RASGRP3: variants seen among roughly 807,000 people sequenced by gnomAD.
RASGRP3 encodes the protein ras guanyl-releasing protein 3.
In RASGRP3, 54 loss-of-function variants were observed where a neutral mutation model predicts 82.7. That is an observed-to-expected ratio of 0.65 (90% CI 0.52 to 0.82). The LOEUF is 0.82. RASGRP3 is among the 40% of genes least tolerant of loss of function. The pLI, the probability that RASGRP3 is intolerant of heterozygous loss-of-function variation, is 0.00. For missense variants in RASGRP3, 861 were observed against 828.9 expected (o/e 1.04, Z -0.48); for synonymous variants, 309 against 300.5 (o/e 1.03, Z -0.29).
intron 6 of RASGRP3, 99 bp downstream of exon 6, chr2:33,520,783 A>G (rs1431054074): frequency 1.3e-6 from 2 of 1,499,416 alleles, no homozygotes; most frequent in Admixed American, 1.8e-5. Context: ...CCACTCCTGA[A>G]TCCAGGTTTG....
At chr2:33,450,697 C>G (rs186148116) in intron 2 of RASGRP3, among the ~76,000 whole-genome samples, 1 of 151,480 alleles carries the variant, frequency 6.6e-6, no homozygotes, top group Admixed American at 6.6e-5. Flanking sequence ...GTAGGTATCT[C>G]TTTGACATGC....
At chr2:33,529,474 C>G (rs1259615364) in intron 10 of RASGRP3, among the ~76,000 whole-genome samples, 1 of 7,338 alleles carries the variant, frequency 1.4e-4, no homozygotes, top group East Asian at 3.2e-3. Flanking sequence ...GGCGACAGAG[C>G]GAGACTCCAT....
At position 33,516,559 on chromosome 2, in the gene RASGRP3, G is replaced by C. The variant is rs1671486134; in HGVS notation, c.88G>C (p.Asp30His). 6.3e-6 allele frequency: 10 copies of C among 1,578,386 alleles called. No homozygotes were observed. In the Middle Eastern group the frequency reaches 5.0e-4, roughly 79 times the overall value. Residue 30 changes from aspartate (D) to histidine (H), a missense_variant, in exon 4 of 18, where the codon GAT becomes CAT. Coordinates refer to ENST00000403687, the MANE Select transcript of RASGRP3 (RefSeq NM_001139488.2). ...TCTAACAGATGACAATGGAGAGCTG[G>C]ATAATAGTTATTTGCCAAGAATAGT... ...IEMFDDNGEL[D>H]NSYLPRIVLL...
At chr2:33,504,337 C>T in intron 1 of RASGRP3, among the ~76,000 whole-genome samples, 1 of 152,036 alleles carries the variant, frequency 6.6e-6, no homozygotes, top group East Asian at 1.9e-4. Flanking sequence ...CTGTCTCTGT[C>T]ACCAGACTTA....
upstream of RASGRP3, among the ~76,000 whole-genome samples, chr2:33,475,665 A>G (rs1667318343): frequency 6.6e-6 from 1 of 152,196 alleles, no homozygotes; most frequent in Non-Finnish European, 1.5e-5. Flanking sequence ...GTCAGACACT[A>G]CGTAAAGTCA....
chr2:33,511,118 G>C (rs775411073), intron 1 of RASGRP3, among the ~76,000 whole-genome samples: 1 of 152,170 alleles, frequency 6.6e-6, no homozygotes, highest in Admixed American at 6.5e-5. Context: ...AACCCTGGGA[G>C]AAATTTGGCT....
rs556078226 is a variant in RASGRP3, at chr2:33,515,038, G to T, written c.-99G>T. Reference sequence around the variant, plus strand: ...TTTCTTGAAGTACAACTAAGGACAGGTCACCACTAGGCACTAACATCGCTG... The same window carrying T: ...TTTCTTGAAGTACAACTAAGGACAGTTCACCACTAGGCACTAACATCGCTG... On this transcript the variant is annotated 5_prime_UTR_variant, in exon 3 of 18. Transcript: ENST00000403687. 9.0e-7 allele frequency: 1 copy of T among 1,106,708 alleles called. No homozygotes were observed. The highest frequency in any genetic ancestry group is 1.3e-5 in the South Asian group (1 of 79,906). The allele number at this position is 1,106,708 out of a possible 1,614,324, so 68.6% of individuals were successfully genotyped here.
chr2:33,474,039 G>A (rs1667215855), upstream of RASGRP3, among the ~76,000 whole-genome samples: 1 of 152,086 alleles, frequency 6.6e-6, no homozygotes, highest in Non-Finnish European at 1.5e-5. Flanking sequence ...TGATCTGACA[G>A]GAGGCAGAGC....
chr2:33,456,386 CA>C (rs570095480), intron 2 of RASGRP3, among the ~76,000 whole-genome samples: 124 of 152,154 alleles, frequency 8.1e-4, no homozygotes, highest in African/African-American at 2.8e-3. Context: ...TTGGATATTT[CA>C]AATTTTCTTT....
At position 33,559,039 on chromosome 2, in the gene RASGRP3, T is replaced by C; in HGVS notation, c.2064+9T>C. The C allele has an allele frequency of 6.3e-7, 1 of 1,576,182 alleles. No homozygotes were observed. Among genetic ancestry groups the C allele is most frequent in the Non-Finnish European group, 8.6e-7 (1 of 1,163,256 alleles). ...CCAGACAGGATGGTGAGGTAAGTGC[T>C]AGGTCAACCCACAAAGAAAACCAGA... On this transcript the variant is annotated intron_variant, in intron 17 of 17. Coordinates refer to ENST00000403687, the MANE Select transcript of RASGRP3 (RefSeq NM_001139488.2).
chr2:33,498,901 A>G (rs1381374984), intron 1 of RASGRP3, among the ~76,000 whole-genome samples: 1 of 152,124 alleles, frequency 6.6e-6, no homozygotes, highest in Non-Finnish European at 1.5e-5. Context: ...GGTGTTAATC[A>G]TAGTGTCTGG....
At position 33,522,076 on chromosome 2, in the gene RASGRP3, G is replaced by C; in HGVS notation, c.490G>C (p.Glu164Gln). The change falls in exon 7 of 18, where the codon GAG becomes CAG. Residue 164 changes from glutamate to glutamine, a missense_variant. By Grantham distance (29) the Glu-to-Gln change is conservative (BLOSUM62 2). Transcript: ENST00000403687. ...ATTGGCTGAGCACCTCACTTTTCTG[G>C]AGCATAAATCTTTTAGAAGGATCTC... Reference protein sequence around the residue: ...IELAEHLTFLEHKSFRRISFT... With the variant: ...IELAEHLTFLQHKSFRRISFT... 1 of 1,610,994 alleles carries C rather than the reference G, an allele frequency of 6.2e-7. No homozygotes were observed. The highest frequency in any genetic ancestry group is 8.5e-7 in the Non-Finnish European group (1 of 1,179,238).
intron 1 of RASGRP3, among the ~76,000 whole-genome samples, chr2:33,497,033 TTC>T (rs1206323627): frequency 6.6e-6 from 1 of 152,146 alleles, no homozygotes; most frequent in African/African-American, 2.4e-5. Context: ...GTAGCTTTTT[TTC>T]TTTTTCTCCC....
chr2:33,515,283 T>G (rs1440496130), intron 3 of RASGRP3, 77 bp downstream of exon 3: 10 of 1,494,298 alleles, frequency 6.7e-6, no homozygotes, highest in African/African-American at 1.4e-5. Flanking sequence ...GCAAGTTGCT[T>G]GTAGAACAGA....
chr2:33,464,497 AG>A, intron 2 of RASGRP3, among the ~76,000 whole-genome samples: 1 of 141,568 alleles, frequency 7.1e-6, no homozygotes, highest in South Asian at 2.3e-4. Context: ...AAAAAAAGAT[AG>A]GGTCTTGCTC....
intron 2 of RASGRP3, among the ~76,000 whole-genome samples, chr2:33,461,485 C>T (rs1448279810): frequency 2.0e-5 from 3 of 152,182 alleles, no homozygotes; most frequent in African/African-American, 7.2e-5. Context: ...GCCATGTTGG[C>T]CAGGCTGGTC....
intron 2 of RASGRP3, among the ~76,000 whole-genome samples, chr2:33,451,368 C>G (rs1665792204): frequency 6.6e-6 from 1 of 152,164 alleles, no homozygotes; most frequent in African/African-American, 2.4e-5. Context: ...CAGGCTGTCT[C>G]TACAGTCTGT....
chr2:33,539,192 C>A lies in RASGRP3; in HGVS notation c.1260C>A (p.His420Gln). The A allele has an allele frequency of 6.2e-7, 1 of 1,607,508 alleles. No homozygotes were observed. Among genetic ancestry groups the A allele is most frequent in the Non-Finnish European group, 8.5e-7 (1 of 1,176,872 alleles). The change falls in exon 12 of 18, where the codon CAC (histidine) becomes CAA (glutamine). Residue 420 changes from histidine (H) to glutamine (Q), a missense_variant. Coordinates refer to ENST00000403687, the MANE Select transcript of RASGRP3 (RefSeq NM_001139488.2). ...PKPDPTVINK[H>Q]IRKLVESVFR... ...CAGACCCCACGGTCATCAACAAGCA[C>A]ATAAGGAAATTAGTGGAGGTAAGTG...
chr2:33,561,790 C>T (rs922266376), intron 17 of RASGRP3, among the ~76,000 whole-genome samples: 5 of 152,042 alleles, frequency 3.3e-5, no homozygotes, highest in African/African-American at 4.8e-5. Flanking sequence ...CCAGGATTTA[C>T]GCTCATTTTA....
Sources: allele counts gnomAD v4.1 joint callset (sites outside exome capture counted in the v4.1 genomes callset), GRCh38; gene constraint gnomAD v4.1.1; transcripts MANE v1.5; gene names NCBI Gene and HGNC (gene_info 2026-07-23, HGNC 2026-07-21).